The following MAP2 variants were observed in gnomAD, a reference collection of about 807,000 sequenced individuals.
MAP2 encodes the protein microtubule-associated protein 2.
MAP2 carries 14 observed loss-of-function variants against 137.6 expected under a neutral mutation model. The observed-to-expected ratio is 0.10, with a 90% CI of 0.07 to 0.16. The LOEUF (loss-of-function observed/expected upper bound fraction) is 0.16. Ranked by LOEUF, MAP2 falls within the 10% of genes least tolerant of loss-of-function variation. MAP2 has a pLI of 1.00. For synonymous variants in MAP2, 786 were observed against 782.3 expected, an observed-to-expected ratio of 1.00 and a Z score of -0.08; for missense variants, 2,088 against 2,191.5, an observed-to-expected ratio of 0.95 and a Z score of 0.94.
At chr2:209,603,708 A>AT (rs1303657328) in intron 3 of MAP2, among the ~76,000 whole-genome samples, 2 of 152,096 alleles carry the variant, frequency 1.3e-5, no homozygotes, top group Non-Finnish European at 2.9e-5. Context: ...GACTTTTCAC[A>AT]TTTTTGACAG....
intron 1 of MAP2, among the ~76,000 whole-genome samples, chr2:209,478,625 A>G (rs535812503): frequency 2.0e-5 from 3 of 152,310 alleles, no homozygotes; most frequent in African/African-American, 7.2e-5. Flanking sequence ...CTTTCTAAAT[A>G]TATGTAGGGC....
chr2:209,429,651 C>G (rs1306030437), intron 1 of MAP2, among the ~76,000 whole-genome samples: 1 of 152,168 alleles, frequency 6.6e-6, no homozygotes, highest in African/African-American at 2.4e-5. Context: ...TATTTCATCG[C>G]TTAACTGTCT....
intron 7 of MAP2, among the ~76,000 whole-genome samples, chr2:209,687,655 G>A (rs1018762572): frequency 9.9e-5 from 15 of 152,012 alleles, no homozygotes; most frequent in South Asian, 8.3e-4. Flanking sequence ...TGTTTCGTCC[G>A]TCTGATCTTG....
chr2:209,524,256 A>G (rs1295988827), intron 2 of MAP2, among the ~76,000 whole-genome samples: 1 of 152,100 alleles, frequency 6.6e-6, no homozygotes, highest in Non-Finnish European at 1.5e-5. Context: ...TTTAATAGTT[A>G]TTTGTATCTA....
At position 209,696,662 on chromosome 2, in the gene MAP2, G is replaced by A. The variant is rs145390170; in HGVS notation, c.4301G>A (p.Gly1434Glu). 29 of 1,613,732 alleles carry A rather than the reference G, an allele frequency of 1.8e-5. No individual in the cohort carries two copies. Among genetic ancestry groups the A allele is most frequent in the Non-Finnish European group, 2.2e-5 (26 of 1,179,922 alleles). ...KHRKEKPFKT[G>E]RGRISTPERK... The stretch of plus-strand genomic sequence containing the variant: ...AGAAAAGAAAAGCCTTTTAAAACCG[G>A]GAGAGGCAGAATTTCCACTCCTGAA... Residue 1434 changes from glycine (G) to glutamate (E), a missense_variant, in exon 9 of 16, where the codon GGG becomes GAG. Gly to Glu is a moderately conservative substitution (Grantham distance 98). Coordinates refer to ENST00000682079, the MANE Select transcript of MAP2 (RefSeq NM_001375505.1).
chr2:209,511,837 G>A (rs772274390), intron 2 of MAP2, among the ~76,000 whole-genome samples: 3 of 152,098 alleles, frequency 2.0e-5, no homozygotes, highest in Non-Finnish European at 4.4e-5. Flanking sequence ...CTCTGAAGGT[G>A]CTAGGATTAC....
intron 1 of MAP2, among the ~76,000 whole-genome samples, chr2:209,428,913 C>CTTTAT (rs1167733322): frequency 1.9e-4 from 28 of 148,718 alleles, no homozygotes; most frequent in East Asian, 6.0e-4. Context: ...CTTTGAATTA[C>CTTTAT]TTTATTTTAT....
intron 1 of MAP2, among the ~76,000 whole-genome samples, chr2:209,435,798 A>G (rs1022180417): frequency 2.7e-5 from 4 of 150,834 alleles, no homozygotes; most frequent in Non-Finnish European, 5.9e-5. Context: ...GAAAATATCA[A>G]CACTAAAGAA....
chr2:209,515,936 C>G (rs548419298), intron 2 of MAP2, among the ~76,000 whole-genome samples: 2 of 152,120 alleles, frequency 1.3e-5, no homozygotes, highest in East Asian at 3.9e-4. Flanking sequence ...CACAGGTGCA[C>G]ACCACTATGC....
chr2:209,642,890 T>A (rs2153581314), intron 4 of MAP2, among the ~76,000 whole-genome samples: 1 of 152,346 alleles, frequency 6.6e-6, no homozygotes, highest in African/African-American at 2.4e-5. Context: ...CATAAACTTC[T>A]AATACCATTA....
At chr2:209,594,604 C>T (rs1293165351) in intron 3 of MAP2, among the ~76,000 whole-genome samples, 1 of 152,092 alleles carries the variant, frequency 6.6e-6, no homozygotes, top group Non-Finnish European at 1.5e-5. Flanking sequence ...GTATTTTTGA[C>T]AATTTTATTA....
At chr2:209,502,999 C>CTTTTTT (rs71043931) in intron 1 of MAP2, among the ~76,000 whole-genome samples, 2 of 131,342 alleles carry the variant, frequency 1.5e-5, no homozygotes, top group Non-Finnish European at 3.2e-5. Context: ...GATTTTTTTT[C>CTTTTTT]TTTTTTTTTT....
At chr2:209,524,712 C>CT (rs964160185) in intron 2 of MAP2, among the ~76,000 whole-genome samples, 1 of 152,144 alleles carries the variant, frequency 6.6e-6, no homozygotes, top group Non-Finnish European at 1.5e-5. Context: ...CATTCATCCT[C>CT]TTTTCAGTCT....
At chr2:209,424,761 C>T (rs1574427125) in intron 1 of MAP2, among the ~76,000 whole-genome samples, 1 of 152,132 alleles carries the variant, frequency 6.6e-6, no homozygotes, top group East Asian at 1.9e-4. Context: ...TCATGTTTCT[C>T]TGTAATTCCT....
At chr2:209,700,046 C>T (rs2061365608) in intron 10 of MAP2, among the ~76,000 whole-genome samples, 1 of 152,208 alleles carries the variant, frequency 6.6e-6, no homozygotes, top group Non-Finnish European at 1.5e-5. Context: ...TGCTTACCTG[C>T]ACTTTGGTAG....
chr2:209,547,675 C>T (rs957206904), intron 2 of MAP2, among the ~76,000 whole-genome samples: 1 of 152,094 alleles, frequency 6.6e-6, no homozygotes, highest in African/African-American at 2.4e-5. Context: ...CCTTAGTTCC[C>T]TGTCTCAAAT....
chr2:209,629,174 T>C (rs2092722493), intron 4 of MAP2, among the ~76,000 whole-genome samples: 1 of 152,206 alleles, frequency 6.6e-6, no homozygotes, highest in Admixed American at 6.6e-5. Flanking sequence ...GCAGAAAATA[T>C]TTATTATTCC....
chr2:209,501,719 C>T (rs893253087), intron 1 of MAP2, among the ~76,000 whole-genome samples: 1 of 152,050 alleles, frequency 6.6e-6, no homozygotes, highest in Non-Finnish European at 1.5e-5. Flanking sequence ...ACAGTGAGGA[C>T]TGAGCCTTGG....
Position 209,693,792 on chromosome 2 carries a change from T to C in MAP2, c.1622T>C (p.Val541Ala). Residue 541 changes from valine to alanine, a missense_variant, in exon 8 of 16, where the codon GTT (valine) becomes GCT (alanine). Physicochemically the swap from Val to Ala is moderately conservative, Grantham distance 64. Coordinates refer to ENST00000682079, the MANE Select transcript of MAP2 (RefSeq NM_001375505.1). Reference protein sequence around the residue: ...SSIQELFEMRVDDKDKIEGVG... With the variant: ...SSIQELFEMRADDKDKIEGVG... ...ATTCAGGAACTTTTTGAAATGAGAGTTGATGACAAAGATAAGATTGAAGGA... is the reference window on the plus strand; with the variant it reads ...ATTCAGGAACTTTTTGAAATGAGAGCTGATGACAAAGATAAGATTGAAGGA... The C allele has an allele frequency of 6.2e-7, 1 of 1,613,954 alleles. No homozygotes were observed. The highest frequency in any genetic ancestry group is 8.5e-7 in the Non-Finnish European group (1 of 1,179,950).
Sources: allele counts gnomAD v4.1 joint callset (sites outside exome capture counted in the v4.1 genomes callset), GRCh38; gene constraint gnomAD v4.1.1; transcripts MANE v1.5; gene names NCBI Gene and HGNC (gene_info 2026-07-23, HGNC 2026-07-21).